Variants in GRK5 observed in about 807,000 individuals in gnomAD.
GRK5 encodes the protein G protein-coupled receptor kinase 5.
GRK5 carries 40 observed loss-of-function variants against 78.4 expected under a neutral mutation model. That is an observed-to-expected ratio of 0.51 (90% CI 0.40 to 0.66). GRK5 has a LOEUF of 0.66. GRK5 is among the 30% of genes least tolerant of loss of function. The pLI is 0.00. For synonymous variants in GRK5, 289 were observed against 296.8 expected (o/e 0.97, Z 0.27); for missense variants, 598 against 759.9 (o/e 0.79, Z 2.50).
chr10:119,359,747 C>T lies in GRK5; in HGVS notation c.149-21068C>T, dbSNP rs149125393. On this transcript the variant is annotated intron_variant, in intron 2 of 15. Coordinates refer to ENST00000392870, the MANE Select transcript of GRK5 (RefSeq NM_005308.3). ...GGTTCACACCCTGGATGCAGGTGTT[C>T]GGGGGAATGTGCATTGCCACACTTA... 2.6e-3 allele frequency among the ~76,000 whole-genome samples: 395 copies of T among 152,290 alleles called. 1 individual carries two copies. The highest frequency in any genetic ancestry group is 8.4e-3 in the African/African-American group (350 of 41,558).
intron 1 of GRK5, among the ~76,000 whole-genome samples, chr10:119,256,628 C>T (rs747567607): frequency 1.3e-5 from 2 of 151,256 alleles, no homozygotes; most frequent in Admixed American, 6.6e-5. Context: ...CCCTATTGCA[C>T]CCCACCCCTC....
chr10:119,241,164 C>T (rs1433619966), intron 1 of GRK5, among the ~76,000 whole-genome samples: 1 of 152,198 alleles, frequency 6.6e-6, no homozygotes, highest in African/African-American at 2.4e-5. Context: ...CCTCCTCCGG[C>T]CTCAGCTTCC....
chr10:119,401,364 G>A (rs189429651), intron 4 of GRK5, among the ~76,000 whole-genome samples: 38 of 152,302 alleles, frequency 2.5e-4, no homozygotes, highest in African/African-American at 5.5e-4. Context: ...TGCATCAGTC[G>A]CCCATACAAG....
intron 2 of GRK5, among the ~76,000 whole-genome samples, chr10:119,377,664 T>G (rs570045675): frequency 6.6e-6 from 1 of 152,158 alleles, no homozygotes; most frequent in East Asian, 1.9e-4. Flanking sequence ...TGCTGGGAGT[T>G]TATAACGGCC....
Position 119,431,917 on chromosome 10 carries a change from T to G in GRK5, c.738+390T>G, listed in dbSNP as rs184207219. Among the ~76,000 whole-genome samples, 30 of 152,348 alleles carry G rather than the reference T, an allele frequency of 2.0e-4. No individual in the cohort carries two copies. The highest frequency in any genetic ancestry group is 7.2e-4 in the Admixed American group (11 of 15,302). On this transcript the variant is annotated intron_variant, in intron 8 of 15. Coordinates refer to ENST00000392870, the MANE Select transcript of GRK5 (RefSeq NM_005308.3). The surrounding 1 kb of genome is among the most constrained non-coding windows in gnomAD (Gnocchi z 4.8). ...GGTGGGGACCTTAGTGCCAGCATCC[T>G]GGAATGGCACTATCAAGTCTGTGTG...
chr10:119,257,251 T>C (rs1273045069), intron 1 of GRK5, among the ~76,000 whole-genome samples: 5 of 152,218 alleles, frequency 3.3e-5, no homozygotes, highest in Admixed American at 1.3e-4. Context: ...TCTCCACCTG[T>C]AGGCTGGGTA....
At position 119,425,044 on chromosome 10, in the gene GRK5, C is replaced by T; in HGVS notation, c.492C>T (p.Ser164=). 6.2e-7 allele frequency: 1 copy of T among 1,614,026 alleles called. No homozygotes were observed. The highest frequency in any genetic ancestry group is 8.5e-7 in the Non-Finnish European group (1 of 1,179,924). The change falls in exon 6 of 16, where the codon AGC becomes AGT. Residue 164 remains serine (S), a synonymous_variant. Transcript: ENST00000392870. ...RGEPFHEYLD[S]MFFDRFLQWK... ...AACCATTCCACGAATATCTGGACAGCATGTTTTTTGACCGCTTTCTCCAGT... is the reference window on the plus strand; with the variant it reads ...AACCATTCCACGAATATCTGGACAGTATGTTTTTTGACCGCTTTCTCCAGT...
intron 4 of GRK5, among the ~76,000 whole-genome samples, chr10:119,414,390 T>A (rs369978153): frequency 3.4e-4 from 52 of 152,054 alleles, no homozygotes; most frequent in Middle Eastern, 3.4e-3. Flanking sequence ...TGTGTGTGTG[T>A]GAGAGAGAGA....
intron 4 of GRK5, among the ~76,000 whole-genome samples, chr10:119,405,316 G>A (rs1852218454): frequency 6.6e-6 from 1 of 152,258 alleles, no homozygotes; most frequent in East Asian, 1.9e-4. Context: ...AGGTCTGCAG[G>A]CAGGATATTG....
intron 1 of GRK5, among the ~76,000 whole-genome samples, chr10:119,289,658 G>C (rs1365509755): frequency 6.6e-6 from 1 of 152,222 alleles, no homozygotes; most frequent in African/African-American, 2.4e-5. Flanking sequence ...TTGCCTCCTT[G>C]GTCTTTGTGC....
At chr10:119,414,503 A>C (rs1852407259) in intron 4 of GRK5, among the ~76,000 whole-genome samples, 1 of 152,206 alleles carries the variant, frequency 6.6e-6, no homozygotes, top group African/African-American at 2.4e-5. Context: ...CTTGTTCCTC[A>C]ACACCACATC....
chr10:119,360,577 A>G (rs1345897395), intron 2 of GRK5, among the ~76,000 whole-genome samples: 2 of 147,280 alleles, frequency 1.4e-5, no homozygotes, highest in African/African-American at 2.5e-5. Context: ...GTGAGTGGGA[A>G]AAGTCTGTAT....
At chr10:119,256,395 C>A (rs1234427836) in intron 1 of GRK5, among the ~76,000 whole-genome samples, 2 of 152,216 alleles carry the variant, frequency 1.3e-5, no homozygotes, top group Non-Finnish European at 2.9e-5. Context: ...CCCCTGGTCC[C>A]TCATCCTCCA....
Position 119,452,505 on chromosome 10 carries a change from G to C in GRK5, c.1405-166G>C, listed in dbSNP as rs1853307686. The C allele has an allele frequency of 1.4e-6, 1 of 719,570 alleles. No individual in the cohort carries two copies. The highest frequency in any genetic ancestry group is 1.8e-5 in the African/African-American group (1 of 56,368). The allele number at this position is 719,570 out of a possible 1,614,324, so 44.6% of individuals were successfully genotyped here. On this transcript the variant is annotated intron_variant, in intron 13 of 15. Coordinates refer to ENST00000392870, the MANE Select transcript of GRK5 (RefSeq NM_005308.3). This position sits in a 1 kb window ranked among gnomAD's most constrained non-coding sequence, Gnocchi z 4.4. The stretch of plus-strand genomic sequence containing the variant: ...GCCACTGGGGCCGACCCCTCCCCTG[G>C]ACTCACCTGCATCTGAGCCACACAC...
chr10:119,270,588 G>A (rs1423279260), intron 1 of GRK5, among the ~76,000 whole-genome samples: 1 of 152,186 alleles, frequency 6.6e-6, no homozygotes, highest in Non-Finnish European at 1.5e-5. Context: ...AAGAAACCAG[G>A]GGACAATTGT....
intron 1 of GRK5, among the ~76,000 whole-genome samples, chr10:119,261,503 C>G (rs868362610): frequency 3.3e-5 from 5 of 151,254 alleles, no homozygotes; most frequent in Non-Finnish European, 5.9e-5. Context: ...GGGTGGCGGC[C>G]GGGCAGAGGC....
Position 119,408,657 on chromosome 10 carries a change from A to C in GRK5, c.339+11885A>C, listed in dbSNP as rs11812570. 8.9e-3 allele frequency among the ~76,000 whole-genome samples: 1,357 copies of C among 152,300 alleles called. 21 individuals are homozygous for C. Among genetic ancestry groups the C allele is most frequent in the African/African-American group, 0.031 (1,288 of 41,542 alleles). On this transcript the variant is annotated intron_variant, in intron 4 of 15. Coordinates refer to ENST00000392870, the MANE Select transcript of GRK5 (RefSeq NM_005308.3). ...GTATCTAGAATAGACAAATCCATAG[A>C]GGCAGAAAGTAAGTTAGCATCTACC...
chr10:119,304,262 A>G (rs906916915), intron 1 of GRK5, among the ~76,000 whole-genome samples: 4 of 148,456 alleles, frequency 2.7e-5, no homozygotes, highest in African/African-American at 1.0e-4. Flanking sequence ...GGGCAACAGC[A>G]GTATGCTAAC....
At chr10:119,310,872 C>T (rs2133737390) in intron 1 of GRK5, among the ~76,000 whole-genome samples, 1 of 152,216 alleles carries the variant, frequency 6.6e-6, no homozygotes, top group East Asian at 1.9e-4. Context: ...GGGAAGTGGC[C>T]TGTGGTTATT....
Sources: gnomAD v4.1 joint callset for allele counts (sites outside exome capture counted in the v4.1 genomes callset) on GRCh38, gnomAD v4.1.1 for gene constraint, Gnocchi (gnomAD v3.1) non-coding constraint, MANE v1.5 for transcripts, NCBI Gene and HGNC (gene_info 2026-07-23, HGNC 2026-07-21) for gene names.